GSN: variants seen among roughly 807,000 people sequenced by gnomAD.
The protein encoded by GSN is actin-depolymerizing factor.
A neutral mutation model predicts 85.7 loss-of-function variants in GSN; 56 were observed. The observed-to-expected ratio is 0.65, with a 90% CI of 0.53 to 0.82. The LOEUF (loss-of-function observed/expected upper bound fraction) is 0.82. Among genes scored for constraint, GSN ranks in the 40% least tolerant of loss-of-function variants. The probability of loss-of-function intolerance (pLI) is 0.00; values close to 1 mark genes in which losing one functional copy is unlikely to be tolerated. For synonymous variants in GSN, 373 were observed against 399.1 expected, an observed-to-expected ratio of 0.93 and a Z score of 0.78; for missense variants, 857 against 979.8, an observed-to-expected ratio of 0.87 and a Z score of 1.67.
chr9:121,300,072 G>C (rs2059660125), intron 2 of GSN: 5 of 1,610,392 alleles, frequency 3.1e-6, no homozygotes, highest in Non-Finnish European at 3.4e-6. Context: ...CAGATACAGC[G>C]CTAGGAAAAG....
chr9:121,274,262 TG>T (rs1216330623), intron 1 of GSN, among the ~76,000 whole-genome samples: 1 of 152,134 alleles, frequency 6.6e-6, no homozygotes, highest in Non-Finnish European at 1.5e-5. Flanking sequence ...ACTTTTTTTT[TG>T]TTATGGTAGA....
intron 10 of GSN, among the ~76,000 whole-genome samples, chr9:121,319,581 C>T (rs1409431477): frequency 1.3e-5 from 2 of 151,876 alleles, no homozygotes; most frequent in Non-Finnish European, 2.9e-5. Context: ...CCTCGGCCCC[C>T]CAAAGTGTTG....
rs774952811 is a variant in GSN, at chr9:121,310,851, TC to T, written c.513+8del. The T allele has an allele frequency of 1.3e-5, 21 of 1,613,646 alleles. No individual in the cohort carries two copies. Among genetic ancestry groups the T allele is most frequent in the Non-Finnish European group, 1.5e-5 (18 of 1,179,902 alleles). ...TCATCCTGGACCTGGGCAACGTGAG[TC>T]CTGCTTTCCTCTTTCCCAGGAGCCA... On this transcript the variant is annotated splice_region_variant and intron_variant, in intron 5 of 17. Transcript: ENST00000432226.
chr9:121,272,070 C>T (rs757761353), intron 1 of GSN, among the ~76,000 whole-genome samples: 16 of 152,126 alleles, frequency 1.1e-4, no homozygotes, highest in African/African-American at 3.4e-4. Flanking sequence ...TTTAGGCAGC[C>T]GGGGGATGTT....
chr9:121,231,845 C>T (rs1057209889), intron 5 of GSN, among the ~76,000 whole-genome samples: 1 of 152,072 alleles, frequency 6.6e-6, no homozygotes, highest in African/African-American at 2.4e-5. Flanking sequence ...TTTGGGGTGC[C>T]AAAGCGGTCT....
chr9:121,320,528 C>A (rs1412832914), intron 10 of GSN, among the ~76,000 whole-genome samples: 1 of 151,980 alleles, frequency 6.6e-6, no homozygotes, highest in African/African-American at 2.4e-5. Flanking sequence ...ACCTGTAATC[C>A]CAGCTACTCG....
chr9:121,240,702 G>A (rs904961519), intron 5 of GSN, among the ~76,000 whole-genome samples: 2 of 152,192 alleles, frequency 1.3e-5, no homozygotes, highest in African/African-American at 4.8e-5. Context: ...GGGTAGAGGA[G>A]GGGCAGTTCT....
chr9:121,207,555 G>C (rs908144725), upstream of GSN, among the ~76,000 whole-genome samples: 1 of 152,200 alleles, frequency 6.6e-6, no homozygotes, highest in Non-Finnish European at 1.5e-5. Context: ...CAGTGCCTAT[G>C]CTCACAAAAT....
At chr9:121,227,096 T>C (rs1014584591) in intron 4 of GSN, among the ~76,000 whole-genome samples, 2 of 152,172 alleles carry the variant, frequency 1.3e-5, no homozygotes, top group African/African-American at 4.8e-5. Context: ...ATTTTAACTT[T>C]TATTAAGACA....
intron 4 of GSN, among the ~76,000 whole-genome samples, chr9:121,226,796 C>T (rs2054279012): frequency 1.3e-5 from 2 of 152,186 alleles, no homozygotes; most frequent in East Asian, 3.9e-4. Context: ...GGGGGCTGGT[C>T]ACCAGAAAGG....
At chr9:121,321,524 T>C (rs2133759975) in intron 11 of GSN, 123 bp downstream of exon 11, 1 of 871,024 alleles carries the variant, frequency 1.1e-6, no homozygotes, top group Non-Finnish European at 1.8e-6. Context: ...GGGAGAGGCT[T>C]TTGTCCACAG....
At chr9:121,268,591 C>T (rs572552232) in intron 1 of GSN, among the ~76,000 whole-genome samples, 1 of 152,322 alleles carries the variant, frequency 6.6e-6, no homozygotes, top group East Asian at 1.9e-4. Flanking sequence ...GGACCACCAG[C>T]TACGGTCTGG....
intron 2 of GSN, among the ~76,000 whole-genome samples, chr9:121,295,275 G>A (rs1208326741): frequency 6.6e-6 from 1 of 152,204 alleles, no homozygotes; most frequent in Non-Finnish European, 1.5e-5. Flanking sequence ...CACAGGGCTT[G>A]CCGGAACTTT....
intron 6 of GSN, among the ~76,000 whole-genome samples, chr9:121,259,285 C>T (rs1022891437): frequency 2.0e-5 from 3 of 152,096 alleles, no homozygotes; most frequent in Admixed American, 6.5e-5. Context: ...TGGAGAATAA[C>T]GAGACAGGGG....
At chr9:121,256,056 T>TG (rs894856210) in intron 6 of GSN, among the ~76,000 whole-genome samples, 11 of 150,200 alleles carry the variant, frequency 7.3e-5, no homozygotes, top group African/African-American at 2.7e-4. Context: ...CTCGGTAAAG[T>TG]GGGGCTGGGG....
intron 2 of GSN, chr9:121,286,043 G>A: frequency 7.1e-7 from 1 of 1,401,280 alleles, no homozygotes; most frequent in South Asian, 1.2e-5. Flanking sequence ...AGTTGGCTTG[G>A]CACAGCTATT....
At chr9:121,331,364 T>G in intron 16 of GSN, 24 bp from the exon 17 acceptor site, 1 of 1,540,072 alleles carries the variant, frequency 6.5e-7, no homozygotes, top group Non-Finnish European at 9.0e-7. Flanking sequence ...CTCATGTACC[T>G]TTCCTGTTGC....
intron 2 of GSN, chr9:121,300,225 G>T: frequency 1.2e-6 from 1 of 812,608 alleles, no homozygotes; most frequent in Non-Finnish European, 2.2e-6. Flanking sequence ...CCTCACCTTG[G>T]CCGGATTTCT....
chr9:121,236,905 C>T (rs1004932603), intron 5 of GSN, among the ~76,000 whole-genome samples: 2 of 152,220 alleles, frequency 1.3e-5, no homozygotes, highest in African/African-American at 4.8e-5. Flanking sequence ...AGAGCCTTTG[C>T]TTCTCACCTT....
Sources: allele counts gnomAD v4.1 joint callset (sites outside exome capture counted in the v4.1 genomes callset), GRCh38; gene constraint gnomAD v4.1.1; transcripts MANE v1.5; gene names NCBI Gene and HGNC (gene_info 2026-07-23, HGNC 2026-07-21).